RAD54B: variants seen among roughly 807,000 people sequenced by gnomAD.
RAD54B encodes the protein RAD54 homolog B.
In RAD54B, 78 loss-of-function variants were observed where a neutral mutation model predicts 95.8. That is an observed-to-expected ratio of 0.81 (90% confidence interval 0.68 to 0.98). The LOEUF (loss-of-function observed/expected upper bound fraction) is 0.98, where lower values mean the gene tolerates loss of function less well. Among genes scored for constraint, RAD54B ranks in the 50% least tolerant of loss-of-function variants. The pLI is 0.00. For missense variants in RAD54B, 957 were observed against 1,056.6 expected (o/e 0.91, Z 1.31); for synonymous variants, 328 against 354.9 (o/e 0.92, Z 0.85).
Position 94,378,206 on chromosome 8 carries a change from TCA to T in RAD54B, c.2487_2488del (p.Cys829Ter), listed in dbSNP as rs1305547048. On this transcript the variant is annotated stop_gained and frameshift_variant, in exon 14 of 15. Coordinates refer to ENST00000336148, the MANE Select transcript of RAD54B (RefSeq NM_012415.3). LOFTEE classifies it high-confidence loss of function. ...TGTATGAACTTCTTCTCCTGTACAC[TCA>T]CAGTCAAGCAGATCATGAGTAACAC... The T allele has an allele frequency of 6.2e-7, 1 of 1,611,942 alleles. No homozygotes were observed. Among genetic ancestry groups the T allele is most frequent in the Non-Finnish European group, 8.5e-7 (1 of 1,179,304 alleles).
intron 1 of RAD54B, among the ~76,000 whole-genome samples, chr8:94,474,418 TCAG>T (rs1813244260): frequency 6.6e-6 from 1 of 152,244 alleles, no homozygotes; most frequent in Admixed American, 6.5e-5. Flanking sequence ...GCTTTAATAC[TCAG>T]TAGGTTAGCT....
At chr8:94,378,970 C>CA (rs1311421456) in intron 12 of RAD54B, among the ~76,000 whole-genome samples, 1 of 152,048 alleles carries the variant, frequency 6.6e-6, no homozygotes, top group Non-Finnish European at 1.5e-5. Context: ...ATTCTCAGTC[C>CA]AAATAGCTAA....
In RAD54B at chr8:94,372,352, A is replaced by G. The variant is rs780131590; in HGVS notation, c.2551T>C (p.Cys851Arg). Residue 851 changes from cysteine (C) to arginine (R), a missense_variant, in exon 15 of 15, where the codon TGT (cysteine) becomes CGT (arginine). Physicochemically the swap from Cys to Arg is radical, Grantham distance 180. Coordinates refer to ENST00000336148, the MANE Select transcript of RAD54B (RefSeq NM_012415.3). ...SLEKFIVSRDCQLGPHHQKSN... is the reference protein window; with the variant it reads ...SLEKFIVSRDRQLGPHHQKSN... ...TTCTGGTGATGTGGACCAAGCTGAC[A>G]ATCTCTAGAGACAATGAATTTTTCC... The G allele has an allele frequency of 1.7e-5, 28 of 1,613,582 alleles. No individual in the cohort carries two copies. The South Asian group carries it at 2.7e-4, about 16-fold the overall frequency.
In RAD54B at chr8:94,428,440, A is replaced by G. The variant is rs1016641007; in HGVS notation, c.305-17125T>C. On this transcript the variant is annotated intron_variant, in intron 3 of 14. Transcript: ENST00000336148. ...CCACAGATACTCAAGTCCCTTATAT[A>G]AAATGTTTGTATTCACATACAATTT... is the stretch of plus-strand genomic sequence containing the variant. The G allele has an allele frequency of 2.5e-5, 12 of 479,018 alleles. No homozygotes were observed. In the East Asian group the frequency reaches 1.7e-3, roughly 68 times the overall value. The allele number at this position is 479,018 out of a possible 1,614,324, so 29.7% of individuals were successfully genotyped here. A position where few individuals can be genotyped will look rare whatever the true frequency, so the allele number is the denominator to read the frequency against.
chr8:94,431,879 A>G (rs1586165566), intron 3 of RAD54B: 1 of 1,162,086 alleles, frequency 8.6e-7, no homozygotes, highest in East Asian at 4.1e-5. Context: ...TCAGAATAAA[A>G]TATCTTTTGT....
intron 3 of RAD54B, among the ~76,000 whole-genome samples, chr8:94,433,298 A>G (rs999705684): frequency 6.6e-6 from 1 of 152,066 alleles, no homozygotes; most frequent in African/African-American, 2.4e-5. Context: ...TCTGAACCAT[A>G]TGACTCAGAT....
intron 6 of RAD54B, 35 bp from the exon 7 acceptor site, chr8:94,400,498 T>C (rs746499737): frequency 1.3e-6 from 2 of 1,503,784 alleles, no homozygotes; most frequent in Non-Finnish European, 1.8e-6. Flanking sequence ...TTAATCACAA[T>C]AGAAAAATAT....
chr8:94,465,349 C>T (rs890669620), intron 2 of RAD54B, among the ~76,000 whole-genome samples: 5 of 152,066 alleles, frequency 3.3e-5, no homozygotes, highest in Non-Finnish European at 7.4e-5. Flanking sequence ...CAGGCAAAGA[C>T]CTTAAATAGA....
At chr8:94,381,305 G>A (rs1563635149) in intron 11 of RAD54B, among the ~76,000 whole-genome samples, 1 of 152,156 alleles carries the variant, frequency 6.6e-6, no homozygotes, top group Non-Finnish European at 1.5e-5. Context: ...TCCACAGATA[G>A]GGAGTCCCCA....
At chr8:94,455,790 T>C (rs1193784737) in intron 3 of RAD54B, among the ~76,000 whole-genome samples, 1 of 152,222 alleles carries the variant, frequency 6.6e-6, no homozygotes, top group African/African-American at 2.4e-5. Flanking sequence ...TATTCCAATC[T>C]CTGCTTCCAC....
chr8:94,372,146 T>C lies in RAD54B; in HGVS notation c.*24A>G. On this transcript the variant is annotated 3_prime_UTR_variant, in exon 15 of 15. Coordinates refer to ENST00000336148, the MANE Select transcript of RAD54B (RefSeq NM_012415.3). Reference sequence around the variant, plus strand: ...ATACTAATTTTCAAAAGAAGAGCAATGGAATGTCAGAAGTAATCTTTCACT... The same window carrying C: ...ATACTAATTTTCAAAAGAAGAGCAACGGAATGTCAGAAGTAATCTTTCACT... 6.4e-7 allele frequency: 1 copy of C among 1,570,370 alleles called. No homozygotes were observed. Among genetic ancestry groups the C allele is most frequent in the Non-Finnish European group, 8.6e-7 (1 of 1,166,266 alleles).
intron 3 of RAD54B, among the ~76,000 whole-genome samples, chr8:94,423,164 A>C (rs927622760): frequency 6.6e-6 from 1 of 152,118 alleles, no homozygotes; most frequent in African/African-American, 2.4e-5. Context: ...CAGGCTAATC[A>C]CAAGGTCAGG....
chr8:94,383,665 G>A (rs778853452), intron 11 of RAD54B, among the ~76,000 whole-genome samples: 3 of 152,016 alleles, frequency 2.0e-5, no homozygotes, highest in Non-Finnish European at 4.4e-5. Context: ...ATCCATATAG[G>A]GCTTGGTAGT....
chr8:94,440,562 T>G (rs1232169312), intron 3 of RAD54B, among the ~76,000 whole-genome samples: 4 of 152,212 alleles, frequency 2.6e-5, no homozygotes, highest in African/African-American at 9.6e-5. Flanking sequence ...CCAATGCTCG[T>G]TGGTGTAGTC....
intron 3 of RAD54B, among the ~76,000 whole-genome samples, chr8:94,457,420 C>T (rs1812802353): frequency 1.3e-5 from 2 of 152,178 alleles, no homozygotes; most frequent in Admixed American, 1.3e-4. Context: ...ATAAATGGCA[C>T]CAAGATAATG....
intron 3 of RAD54B, among the ~76,000 whole-genome samples, chr8:94,442,945 CAAATTTCTCATAAGA>C (rs1244697125): frequency 2.0e-5 from 3 of 152,174 alleles, no homozygotes; most frequent in Non-Finnish European, 4.4e-5. Flanking sequence ...ACCTCCCTCA[CAAATTTCTCATAAGA>C]AAATCCCTTC....
chr8:94,399,481 C>A lies in RAD54B; in HGVS notation c.1311G>T (p.Lys437Asn). 1 of 1,613,632 alleles carries A rather than the reference C, an allele frequency of 6.2e-7. No individual in the cohort carries two copies. The highest frequency in any genetic ancestry group is 8.5e-7 in the Non-Finnish European group (1 of 1,179,712). The change falls in exon 8 of 15, where the codon AAG becomes AAT. Residue 437 changes from lysine to asparagine, a missense_variant. Physicochemically the swap from Lys to Asn is moderately conservative, Grantham distance 94. Coordinates refer to ENST00000336148, the MANE Select transcript of RAD54B (RefSeq NM_012415.3). ...LLICDEGHRL[K>N]NSAIKTTTAL... Reference sequence around the variant, plus strand: ...CTGTAGTTGTCTTAATGGCACTGTTCTTCAAACGATGCCCCTCGTCACAGA... The same window carrying A: ...CTGTAGTTGTCTTAATGGCACTGTTATTCAAACGATGCCCCTCGTCACAGA...
intron 1 of RAD54B, among the ~76,000 whole-genome samples, chr8:94,470,594 TAAA>T (rs58169172): frequency 2.8e-4 from 36 of 129,344 alleles, no homozygotes; most frequent in Non-Finnish European, 2.6e-4. Context: ...AAACTTCGTC[TAAA>T]AAAAAAAAAA....
In RAD54B at chr8:94,443,154, G is replaced by C. The variant is rs547595004; in HGVS notation, c.304+15114C>G. On this transcript the variant is annotated intron_variant, in intron 3 of 14. Coordinates refer to ENST00000336148, the MANE Select transcript of RAD54B (RefSeq NM_012415.3). ...GGACAAGACAAAAAATCACTCCTTC[G>C]ATCATGTCTTTTGCAGGGACATGAA... 7.9e-5 allele frequency among the ~76,000 whole-genome samples: 12 copies of C among 152,236 alleles called. No individual in the cohort carries two copies. The East Asian group carries it at 1.7e-3, about 22-fold the overall frequency.
Sources: gnomAD v4.1 joint callset for allele counts (sites outside exome capture counted in the v4.1 genomes callset) on GRCh38, gnomAD v4.1.1 for gene constraint, MANE v1.5 for transcripts, NCBI Gene and HGNC (gene_info 2026-07-23, HGNC 2026-07-21) for gene names.